The following PDE4D variants were observed in gnomAD, a reference collection of about 807,000 sequenced individuals.
PDE4D encodes the protein 3',5'-cyclic-AMP phosphodiesterase 4D.
A neutral mutation model predicts 87.4 loss-of-function variants in PDE4D; 24 were observed. That is an observed-to-expected ratio of 0.27 (90% CI 0.20 to 0.39). The LOEUF is 0.39. Ranked by LOEUF, PDE4D falls within the 10% of genes least tolerant of loss-of-function variation. PDE4D has a pLI of 1.00. For synonymous variants in PDE4D, 384 were observed against 383.2 expected (o/e 1.00, Z -0.02); for missense variants, 714 against 1,041.0 (o/e 0.69, Z 4.32).
intron 1 of PDE4D, among the ~76,000 whole-genome samples, chr5:60,446,488 A>G (rs549336176): frequency 5.0e-4 from 76 of 152,162 alleles, no homozygotes; most frequent in Non-Finnish European, 8.2e-4. Flanking sequence ...AACAGACTTC[A>G]AAATCATATT....
chr5:59,643,810 G>C (rs1742004096), intron 1 of PDE4D, among the ~76,000 whole-genome samples: 1 of 152,102 alleles, frequency 6.6e-6, no homozygotes, highest in South Asian at 2.1e-4. Flanking sequence ...GTTTTCCCTA[G>C]TGGATTAAAG....
chr5:59,846,792 G>A (rs1402269360), intron 1 of PDE4D, among the ~76,000 whole-genome samples: 3 of 151,988 alleles, frequency 2.0e-5, no homozygotes, highest in Non-Finnish European at 4.4e-5. Context: ...CTAAAGAAAA[G>A]CCACCATTTA....
In PDE4D at chr5:58,974,876, A is replaced by T; in HGVS notation, c.2218T>A (p.Leu740Ile). The change falls in exon 15 of 15, where the codon TTA becomes ATA. Residue 740 changes from leucine to isoleucine, a missense_variant. Transcript: ENST00000340635. ...QTEKFQFELT[L>I]EEDGESDTEK... ...GTGTCTGACTCACCATCTTCCTCTA[A>T]AGTTAGTTCAAACTGGAATTTCTCA... 6.2e-7 allele frequency: 1 copy of T among 1,612,234 alleles called. No individual in the cohort carries two copies. The highest frequency in any genetic ancestry group is 1.3e-5 in the African/African-American group (1 of 74,950).
chr5:59,299,597 A>G (rs1303971247), intron 1 of PDE4D, among the ~76,000 whole-genome samples: 1 of 152,210 alleles, frequency 6.6e-6, no homozygotes, highest in Non-Finnish European at 1.5e-5. Context: ...TATACATGAA[A>G]GCTGATCAAA....
chr5:60,320,416 C>T (rs891419735), intron 1 of PDE4D, among the ~76,000 whole-genome samples: 2 of 152,188 alleles, frequency 1.3e-5, no homozygotes, highest in African/African-American at 2.4e-5. Flanking sequence ...AATTCCCTGA[C>T]CCCTTATGCT....
intron 5 of PDE4D, among the ~76,000 whole-genome samples, chr5:59,055,668 G>A (rs1762228360): frequency 6.6e-6 from 1 of 152,186 alleles, no homozygotes. Flanking sequence ...GAGGGAATCA[G>A]TCTTGAGATA....
intron 5 of PDE4D, among the ~76,000 whole-genome samples, chr5:59,133,402 C>A (rs149569169): frequency 3.9e-5 from 6 of 152,096 alleles, no homozygotes; most frequent in Non-Finnish European, 8.8e-5. Flanking sequence ...TCCATAGAGT[C>A]GTGAGGATTT....
At chr5:59,368,278 T>C (rs1783398912) in intron 1 of PDE4D, among the ~76,000 whole-genome samples, 1 of 152,262 alleles carries the variant, frequency 6.6e-6, no homozygotes, top group Non-Finnish European at 1.5e-5. Context: ...CTTGCTCTTT[T>C]GCTCTGATGA....
At chr5:59,851,910 C>G (rs752585462) in intron 1 of PDE4D, among the ~76,000 whole-genome samples, 1 of 152,036 alleles carries the variant, frequency 6.6e-6, no homozygotes, top group Non-Finnish European at 1.5e-5. Context: ...ATGGCTAACA[C>G]CTTGGTTTCA....
chr5:59,061,399 C>A (rs1010857702), intron 5 of PDE4D, among the ~76,000 whole-genome samples: 1 of 152,042 alleles, frequency 6.6e-6, no homozygotes, highest in Non-Finnish European at 1.5e-5. Context: ...TTACCAAATC[C>A]CCAGCTCCTA....
intron 1 of PDE4D, among the ~76,000 whole-genome samples, chr5:60,414,838 T>TG (rs1742347958): frequency 6.6e-6 from 1 of 152,218 alleles, no homozygotes; most frequent in Admixed American, 6.5e-5. Context: ...CTATCTAAGG[T>TG]CATAACATCC....
intron 5 of PDE4D, among the ~76,000 whole-genome samples, chr5:59,051,338 C>A (rs1761521589): frequency 6.6e-6 from 1 of 152,144 alleles, no homozygotes; most frequent in Non-Finnish European, 1.5e-5. Context: ...CCAGCCTGGG[C>A]AACAGAGTGA....
At chr5:59,768,345 A>C in intron 1 of PDE4D, 3 of 1,598,272 alleles carry the variant, frequency 1.9e-6, no homozygotes, top group Non-Finnish European at 2.5e-6. Flanking sequence ...AGATCACTGG[A>C]GAGAGCTTGG....
At chr5:59,914,286 G>C (rs1753760582) in intron 3 of PDE4D, among the ~76,000 whole-genome samples, 1 of 152,120 alleles carries the variant, frequency 6.6e-6, no homozygotes, top group Non-Finnish European at 1.5e-5. Flanking sequence ...AAGATGGGGG[G>C]TGGTTAAGGA....
At chr5:60,384,422 A>T (rs532048505) in intron 1 of PDE4D, among the ~76,000 whole-genome samples, 2 of 152,220 alleles carry the variant, frequency 1.3e-5, no homozygotes, top group Non-Finnish European at 2.9e-5. Context: ...TTTCTAATTG[A>T]TCCAAATTAG....
intron 1 of PDE4D, among the ~76,000 whole-genome samples, chr5:59,232,408 C>A (rs1052272228): frequency 6.6e-6 from 1 of 151,322 alleles, no homozygotes; most frequent in Admixed American, 6.6e-5. Context: ...TGTAAAATGA[C>A]CAACAGGTAT....
intron 1 of PDE4D, among the ~76,000 whole-genome samples, chr5:59,569,488 A>C (rs2153694990): frequency 6.6e-6 from 1 of 152,296 alleles, no homozygotes; most frequent in East Asian, 1.9e-4. Context: ...AATTTCAGCA[A>C]ATCAATGTTA....
At chr5:60,143,384 CATT>C (rs1431334963) in intron 2 of PDE4D, among the ~76,000 whole-genome samples, 1 of 152,102 alleles carries the variant, frequency 6.6e-6, no homozygotes, top group African/African-American at 2.4e-5. Flanking sequence ...AATGGAAATA[CATT>C]GTTGAGAAAT....
In PDE4D at chr5:59,644,218, T is replaced by C. The variant is rs115060178; in HGVS notation, c.455+248950A>G. 1.5e-3 allele frequency among the ~76,000 whole-genome samples: 231 copies of C among 152,338 alleles called. 2 individuals carry two copies. Among genetic ancestry groups the C allele is most frequent in the African/African-American group, 4.8e-3 (200 of 41,576 alleles). On this transcript the variant is annotated intron_variant, in intron 1 of 14. Transcript: ENST00000340635. ...TGTCAGTGGGAAAAATGTATCTATA[T>C]TGACTGCTCTCAACCAGCTTATTTA...
Sources: gnomAD v4.1 joint callset for allele counts (sites outside exome capture counted in the v4.1 genomes callset) on GRCh38, gnomAD v4.1.1 for gene constraint, MANE v1.5 for transcripts, NCBI Gene and HGNC (gene_info 2026-07-23, HGNC 2026-07-21) for gene names.